The following FOXJ3 variants were observed in gnomAD, a reference collection of about 807,000 sequenced individuals.
FOXJ3 encodes forkhead box protein J3.
In FOXJ3, 22 loss-of-function variants were observed where a neutral mutation model predicts 76.1. That is an observed-to-expected ratio of 0.29 (90% CI 0.21 to 0.41). The LOEUF is 0.41. FOXJ3 is among the 10% of genes least tolerant of loss of function. The probability of loss-of-function intolerance (pLI) is 1.00; values close to 1 mark genes in which losing one functional copy is unlikely to be tolerated. For missense variants in FOXJ3, 613 were observed against 762.1 expected (o/e 0.80, Z 2.30); for synonymous variants, 269 against 261.2 (o/e 1.03, Z -0.29).
intron 4 of FOXJ3, among the ~76,000 whole-genome samples, chr1:42,252,436 G>A (rs1432610292): frequency 1.3e-5 from 2 of 150,632 alleles, no homozygotes; most frequent in East Asian, 3.9e-4. Context: ...ATTCTCTGAT[G>A]GTAGTTTGTA....
Position 42,288,442 on chromosome 1 carries a change from C to T in FOXJ3, c.45-9770G>A, listed in dbSNP as rs369502089. Among the ~76,000 whole-genome samples, 494 of 152,318 alleles carry T rather than the reference C, an allele frequency of 3.2e-3. 4 individuals are homozygous for T. The highest frequency in any genetic ancestry group is 0.011 in the African/African-American group (468 of 41,570). On this transcript the variant is annotated intron_variant, in intron 2 of 12. Coordinates refer to ENST00000361346, the MANE Select transcript of FOXJ3 (RefSeq NM_014947.5). The stretch of plus-strand genomic sequence containing the variant: ...CAACATTTACTGGATATTCTTTCAT[C>T]AGTTTTTTTCTCTACTTCTGCTTCC...
At chr1:42,247,954 A>G (rs1463334379) in intron 4 of FOXJ3, among the ~76,000 whole-genome samples, 14 of 152,206 alleles carry the variant, frequency 9.2e-5, no homozygotes, top group Admixed American at 9.2e-4. Flanking sequence ...ACATGCTACA[A>G]TATGGATGAT....
intron 4 of FOXJ3, among the ~76,000 whole-genome samples, chr1:42,252,784 A>G (rs1420071176): frequency 1.3e-5 from 2 of 152,146 alleles, no homozygotes; most frequent in African/African-American, 4.8e-5. Context: ...ATTTCCCTCT[A>G]CACATTTAGG....
At chr1:42,198,086 G>A (rs980301244) in intron 7 of FOXJ3, among the ~76,000 whole-genome samples, 4 of 151,890 alleles carry the variant, frequency 2.6e-5, no homozygotes, top group African/African-American at 9.7e-5. Flanking sequence ...ATTTCTTCTA[G>A]AACTCAGTAA....
chr1:42,263,457 G>A (rs895940423), intron 4 of FOXJ3, among the ~76,000 whole-genome samples: 7 of 152,066 alleles, frequency 4.6e-5, no homozygotes, highest in Non-Finnish European at 8.8e-5. Flanking sequence ...TATAGGAAAT[G>A]TGATAAAGAA....
chr1:42,303,050 T>C (rs1654253496), intron 2 of FOXJ3, among the ~76,000 whole-genome samples: 1 of 152,212 alleles, frequency 6.6e-6, no homozygotes, highest in Non-Finnish European at 1.5e-5. Context: ...CTGACATTTC[T>C]CTTTTTTACT....
intron 9 of FOXJ3, among the ~76,000 whole-genome samples, chr1:42,190,057 C>T (rs546376523): frequency 6.6e-6 from 1 of 152,286 alleles, no homozygotes; most frequent in Admixed American, 6.5e-5. Context: ...GAATCCACGT[C>T]AGGGCATTTT....
At chr1:42,265,309 A>G (rs767086933) in intron 3 of FOXJ3, 120 bp from the exon 4 acceptor site, 7 of 553,550 alleles carry the variant, frequency 1.3e-5, no homozygotes, top group African/African-American at 1.9e-5. Flanking sequence ...CAAATGGAAT[A>G]AACTTTTTAA....
At chr1:42,268,850 A>G (rs1557687704) in intron 3 of FOXJ3, among the ~76,000 whole-genome samples, 1 of 152,128 alleles carries the variant, frequency 6.6e-6, no homozygotes, top group Non-Finnish European at 1.5e-5. Context: ...CTTTAAGGTG[A>G]TTAGGTTATG....
At chr1:42,319,397 T>C (rs1557722497) in intron 1 of FOXJ3, among the ~76,000 whole-genome samples, 1 of 152,190 alleles carries the variant, frequency 6.6e-6, no homozygotes, top group Admixed American at 6.5e-5. Flanking sequence ...AAACCAGTCA[T>C]AAAAGATTAC....
intron 2 of FOXJ3, among the ~76,000 whole-genome samples, chr1:42,287,749 C>G (rs1313102486): frequency 1.3e-5 from 2 of 152,016 alleles, no homozygotes; most frequent in Admixed American, 1.3e-4. Flanking sequence ...TCGCTTGAGC[C>G]CAGGAGTTCA....
At chr1:42,309,344 G>A (rs914532909) in intron 2 of FOXJ3, among the ~76,000 whole-genome samples, 1 of 152,226 alleles carries the variant, frequency 6.6e-6, no homozygotes, top group African/African-American at 2.4e-5. Flanking sequence ...CTCCCTCTGT[G>A]CCTAAAGAAT....
At chr1:42,295,087 G>A (rs1361848250) in intron 2 of FOXJ3, among the ~76,000 whole-genome samples, 1 of 152,068 alleles carries the variant, frequency 6.6e-6, no homozygotes, top group East Asian at 1.9e-4. Context: ...AGATTCAGGG[G>A]GTAAACATAC....
rs1439046418 is a variant in FOXJ3, at chr1:42,201,713, T to C, written c.631-2483A>G. Among the ~76,000 whole-genome samples, 10 of 152,232 alleles carry C rather than the reference T, an allele frequency of 6.6e-5. No individual in the cohort carries two copies. In the East Asian group the frequency reaches 1.9e-3, roughly 29 times the overall value. On this transcript the variant is annotated intron_variant, in intron 6 of 12. Coordinates refer to ENST00000361346, the MANE Select transcript of FOXJ3 (RefSeq NM_014947.5). ...AAAGTTTTTGTCAGGTTTTGCTACT[T>C]AGGTTATGATGGTTTCATAATATAA...
intron 5 of FOXJ3, among the ~76,000 whole-genome samples, chr1:42,217,306 G>A (rs1432260019): frequency 1.1e-4 from 17 of 152,056 alleles, no homozygotes; most frequent in Non-Finnish European, 1.0e-4. Context: ...CGAGGGTGGC[G>A]GATCACAAGA....
intron 4 of FOXJ3, among the ~76,000 whole-genome samples, chr1:42,235,351 C>T (rs1426179160): frequency 6.6e-6 from 1 of 151,280 alleles, no homozygotes; most frequent in Non-Finnish European, 1.5e-5. Flanking sequence ...TTGCGTTTTT[C>T]GGGTGAGGTA....
chr1:42,276,027 A>C (rs938150305), intron 3 of FOXJ3, among the ~76,000 whole-genome samples: 1 of 152,210 alleles, frequency 6.6e-6, no homozygotes, highest in Non-Finnish European at 1.5e-5. Flanking sequence ...TAAATGTCAA[A>C]GGAATTAAGG....
Position 42,257,051 on chromosome 1 carries a change from C to T in FOXJ3, c.444+8064G>A, listed in dbSNP as rs180879345. On this transcript the variant is annotated intron_variant, in intron 4 of 12. Transcript: ENST00000361346. ...CAAGGATCACTATCTAAAACCGGGGCTTGACCACAGGCTTATTTTGAGGAT... is the reference window on the plus strand; with the variant it reads ...CAAGGATCACTATCTAAAACCGGGGTTTGACCACAGGCTTATTTTGAGGAT... Among the ~76,000 whole-genome samples the T allele has an allele frequency of 3.9e-5, 6 of 152,278 alleles. No homozygotes were observed. In the East Asian group the frequency reaches 1.2e-3, roughly 29 times the overall value.
At chr1:42,310,965 T>G in intron 2 of FOXJ3, 85 bp downstream of exon 2, 1 of 786,064 alleles carries the variant, frequency 1.3e-6, no homozygotes, top group Non-Finnish European at 2.1e-6. Context: ...GAATCTCACC[T>G]TCAAATTCAT....
Sources: allele counts gnomAD v4.1 joint callset (sites outside exome capture counted in the v4.1 genomes callset), GRCh38; gene constraint gnomAD v4.1.1; transcripts MANE v1.5; gene names NCBI Gene and HGNC (gene_info 2026-07-23, HGNC 2026-07-21).